Variants in NXN observed in about 807,000 individuals in gnomAD.
NXN encodes the protein nucleoredoxin.
NXN carries 16 observed loss-of-function variants against 48.6 expected under a neutral mutation model. That is an observed-to-expected ratio of 0.33 (90% confidence interval 0.22 to 0.50). The LOEUF (loss-of-function observed/expected upper bound fraction) is 0.50, where lower values mean the gene tolerates loss of function less well. Among genes scored for constraint, NXN ranks in the 20% least tolerant of loss-of-function variants. NXN has a pLI of 0.98. For missense variants in NXN, 492 were observed against 605.5 expected, an observed-to-expected ratio of 0.81 and a Z score of 1.97; for synonymous variants, 281 against 269.6, an observed-to-expected ratio of 1.04 and a Z score of -0.41.
intron 1 of NXN, among the ~76,000 whole-genome samples, chr17:895,624 A>C (rs369183153): frequency 7.0e-6 from 1 of 143,214 alleles, no homozygotes. Context: ...CATCCTGGCT[A>C]ACACGGTGAA....
intron 1 of NXN, among the ~76,000 whole-genome samples, chr17:971,925 G>A (rs1310765995): frequency 2.0e-5 from 3 of 152,058 alleles, no homozygotes; most frequent in Non-Finnish European, 2.9e-5. Context: ...CCAGCACTTT[G>A]GAAGCCGAGG....
chr17:943,867 T>C (rs1450200021), intron 1 of NXN, among the ~76,000 whole-genome samples: 13 of 151,838 alleles, frequency 8.6e-5, no homozygotes, highest in Admixed American at 7.9e-4. Context: ...AATTATGTTA[T>C]GTATATTCTA....
At chr17:930,506 TTGAC>T (rs2068842445) in intron 1 of NXN, 1 of 151,880 alleles carries the variant, frequency 6.6e-6, no homozygotes. Flanking sequence ...CCCCTATTGA[TTGAC>T]TGGCTGATTT....
chr17:935,223 G>A (rs1369242820), intron 1 of NXN, among the ~76,000 whole-genome samples: 6 of 151,928 alleles, frequency 3.9e-5, no homozygotes, highest in East Asian at 1.9e-4. Context: ...CGAACTCCTG[G>A]CCTCAGGTGA....
intron 1 of NXN, among the ~76,000 whole-genome samples, chr17:916,793 G>C (rs540427928): frequency 2.0e-5 from 3 of 152,278 alleles, no homozygotes; most frequent in African/African-American, 7.2e-5. Flanking sequence ...AGCCACTTCG[G>C]GGGCTGAGGC....
intron 6 of NXN, chr17:804,071 A>G (rs1911350511): frequency 6.9e-6 from 3 of 431,728 alleles, no homozygotes. Context: ...CTGCTCTCCC[A>G]GGTAGACAGT....
chr17:922,649 T>G (rs1019419439), intron 1 of NXN, among the ~76,000 whole-genome samples: 1 of 151,840 alleles, frequency 6.6e-6, no homozygotes, highest in Non-Finnish European at 1.5e-5. Flanking sequence ...GACTCCACTC[T>G]GCGTTCTTTG....
chr17:821,603 T>C lies in NXN; in HGVS notation c.713+754A>G, dbSNP rs1382035168. Among the ~76,000 whole-genome samples, 2 of 76,106 alleles carry C rather than the reference T, an allele frequency of 2.6e-5. 1 individual carries two copies. The highest frequency in any genetic ancestry group is 8.3e-4 in the East Asian group (2 of 2,416). The allele number at this position is 76,106 out of a possible 152,430, so 49.9% of individuals were successfully genotyped here. On this transcript the variant is annotated intron_variant, in intron 4 of 7. Coordinates refer to ENST00000336868, the MANE Select transcript of NXN (RefSeq NM_022463.5). Reference sequence around the variant, plus strand: ...AAACCCCATGGCTAATACAAAAAATTAGCCAGGCATGCTGGTGGGCGCCTG... The same window carrying C: ...AAACCCCATGGCTAATACAAAAAATCAGCCAGGCATGCTGGTGGGCGCCTG...
intron 1 of NXN, among the ~76,000 whole-genome samples, chr17:868,130 C>T (rs1806331309): frequency 6.6e-6 from 1 of 152,164 alleles, no homozygotes; most frequent in Non-Finnish European, 1.5e-5. Context: ...GAGTCATCTC[C>T]CTCCCTTCAT....
chr17:959,778 G>A (rs1453077731), intron 1 of NXN, among the ~76,000 whole-genome samples: 5 of 124,236 alleles, frequency 4.0e-5, no homozygotes, highest in African/African-American at 6.0e-5. Context: ...TGGGGAACAA[G>A]AGCGAGACTC....
At chr17:824,296 C>T (rs1179310274) in intron 2 of NXN, among the ~76,000 whole-genome samples, 4 of 152,138 alleles carry the variant, frequency 2.6e-5, no homozygotes, top group African/African-American at 9.7e-5. Flanking sequence ...ATCCACCCGC[C>T]TCAGCCTCCC....
At chr17:937,565 G>T (rs7222776) in intron 1 of NXN, among the ~76,000 whole-genome samples, 48,320 of 152,010 alleles carry the variant, frequency 0.32, 7,858 homozygotes, top group South Asian at 0.39. Flanking sequence ...GGCTATTGCC[G>T]GTTCAAGCTC....
chr17:902,831 T>G (rs589781), intron 1 of NXN, among the ~76,000 whole-genome samples: 5 of 150,244 alleles, frequency 3.3e-5, no homozygotes, highest in South Asian at 2.1e-4. Context: ...CAGGCTGGAG[T>G]GCAATGGCGC....
intron 1 of NXN, among the ~76,000 whole-genome samples, chr17:851,447 C>T (rs929104638): frequency 2.0e-5 from 3 of 152,206 alleles, no homozygotes; most frequent in Non-Finnish European, 4.4e-5. Flanking sequence ...TCACTGTGTC[C>T]GCCGGCCACA....
At chr17:955,480 T>A (rs2069156396) in intron 1 of NXN, among the ~76,000 whole-genome samples, 1 of 150,598 alleles carries the variant, frequency 6.6e-6, no homozygotes, top group South Asian at 2.1e-4. Flanking sequence ...TCATCTCTTC[T>A]CTAAGAGCAA....
chr17:925,193 TAAGTC>T (rs566490189), intron 1 of NXN, among the ~76,000 whole-genome samples: 34 of 152,218 alleles, frequency 2.2e-4, no homozygotes, highest in African/African-American at 7.9e-4. Context: ...TACAGAGACT[TAAGTC>T]AAGAATGAGG....
At chr17:959,381 G>A (rs1040828723) in intron 1 of NXN, 7 of 234,290 alleles carry the variant, frequency 3.0e-5, no homozygotes, top group Admixed American at 5.7e-5. Context: ...TGCCTGCCCC[G>A]GCCAGAGCGG....
At chr17:834,224 A>G (rs532893715) in intron 1 of NXN, among the ~76,000 whole-genome samples, 2 of 152,222 alleles carry the variant, frequency 1.3e-5, no homozygotes, top group South Asian at 4.2e-4. Context: ...TAAGAGGCTG[A>G]GGTAAGAGGA....
At chr17:965,844 C>A (rs2069295881) in intron 1 of NXN, among the ~76,000 whole-genome samples, 2 of 151,880 alleles carry the variant, frequency 1.3e-5, no homozygotes, top group African/African-American at 4.8e-5. Context: ...AGACAGGGCA[C>A]AGTGACTCAC....
Sources: allele counts gnomAD v4.1 joint callset (sites outside exome capture counted in the v4.1 genomes callset), GRCh38; gene constraint gnomAD v4.1.1; transcripts MANE v1.5; gene names NCBI Gene and HGNC (gene_info 2026-07-23, HGNC 2026-07-21).